ALS2: variants seen among roughly 807,000 people sequenced by gnomAD.
ALS2 encodes alsin Rho guanine nucleotide exchange factor ALS2.
ALS2 carries 117 observed loss-of-function variants against 203.4 expected under a neutral mutation model. The ratio of observed to expected loss-of-function variants is 0.58; its 90% confidence interval spans 0.50 to 0.67. The LOEUF (loss-of-function observed/expected upper bound fraction) is 0.67, where lower values mean the gene tolerates loss of function less well. Ranked by LOEUF, ALS2 falls within the 30% of genes least tolerant of loss-of-function variation. The probability of loss-of-function intolerance (pLI) is 0.00; values close to 1 mark genes in which losing one functional copy is unlikely to be tolerated. For missense variants in ALS2, 1,715 were observed against 1,989.4 expected (o/e 0.86, Z 2.62); for synonymous variants, 718 against 725.9 (o/e 0.99, Z 0.17).
chr2:201,731,839 G>A (rs1691576262), intron 13 of ALS2, among the ~76,000 whole-genome samples: 1 of 152,162 alleles, frequency 6.6e-6, no homozygotes, highest in African/African-American at 2.4e-5. Flanking sequence ...TAATCCTTCA[G>A]AGATGGATAG....
chr2:201,705,962 A>AT (rs1553500646), intron 29 of ALS2, among the ~76,000 whole-genome samples: 2 of 151,376 alleles, frequency 1.3e-5, no homozygotes, highest in Non-Finnish European at 2.9e-5. Context: ...AAAAAAAAAA[A>AT]TTGAGGCTTA....
At chr2:201,762,977 A>G (rs1693845921) in intron 3 of ALS2, 2 of 160,780 alleles carry the variant, frequency 1.2e-5, no homozygotes, top group South Asian at 3.3e-4. Flanking sequence ...CTGCCCATCA[A>G]GGAGTCTGAG....
At chr2:201,726,999 G>T (rs1691216411) in intron 17 of ALS2, 133 bp from the exon 18 acceptor site, 1 of 905,814 alleles carries the variant, frequency 1.1e-6, no homozygotes, top group Non-Finnish European at 1.7e-6. Context: ...GAGTAATATT[G>T]ACTGGCTCTT....
rs1007787642 is a variant in ALS2 at position 201,734,774 on chromosome 2, C to T, written c.2418-1336G>A. ...TCATGTCCTTACCTATAATCTTCCC[C>T]GAAAGAGGCCAAGCTACACTCCTAA... On this transcript the variant is annotated intron_variant, in intron 12 of 33. Transcript: ENST00000264276. Among the ~76,000 whole-genome samples, 27 of 152,238 alleles carry T rather than the reference C, an allele frequency of 1.8e-4. 1 individual carries two copies. Among genetic ancestry groups the T allele is most frequent in the Admixed American group, 1.2e-3 (18 of 15,292 alleles).
intron 12 of ALS2, among the ~76,000 whole-genome samples, chr2:201,738,117 C>T (rs996446319): frequency 1.3e-5 from 2 of 152,000 alleles, no homozygotes; most frequent in African/African-American, 4.8e-5. Context: ...CTGGGTAACA[C>T]AGTGAGACCC....
At chr2:201,735,500 A>C (rs1316711927) in intron 12 of ALS2, among the ~76,000 whole-genome samples, 1 of 152,270 alleles carries the variant, frequency 6.6e-6, no homozygotes, top group Non-Finnish European at 1.5e-5. Flanking sequence ...TCCAAGATCC[A>C]CTAACAGCCA....
chr2:201,724,233 TTAAA>T, intron 21 of ALS2, 58 bp downstream of exon 21: 1 of 1,534,490 alleles, frequency 6.5e-7, no homozygotes, highest in Non-Finnish European at 9.0e-7. Context: ...AAACTGCTTG[TTAAA>T]TAATGATGGT....
chr2:201,751,014 G>A (rs568278341), intron 7 of ALS2, among the ~76,000 whole-genome samples: 14 of 151,938 alleles, frequency 9.2e-5, no homozygotes, highest in South Asian at 6.2e-4. Flanking sequence ...CATCACGCCC[G>A]GCTAACTTCT....
At chr2:201,770,773 G>A (rs1574805304) in intron 1 of ALS2, among the ~76,000 whole-genome samples, 1 of 152,104 alleles carries the variant, frequency 6.6e-6, no homozygotes. Context: ...ATGGAAGAAG[G>A]CAGCCATGAG....
At position 201,746,587 on chromosome 2, in the gene ALS2, T is replaced by G; in HGVS notation, c.1977A>C (p.Pro659=). 6.2e-7 allele frequency: 1 copy of G among 1,614,220 alleles called. No individual in the cohort carries two copies. Among genetic ancestry groups the G allele is most frequent in the Non-Finnish European group, 8.5e-7 (1 of 1,180,030 alleles). Residue 659 remains proline, a synonymous_variant, in exon 9 of 34, where the codon CCA becomes CCC. Transcript: ENST00000264276. ...LPENHSGSKT[P]VLLSCSKLGY... ...TCACCTTACTACAGGAGAGAAGTAC[T>G]GGAGTCTTAGAACCACTGTGATTCT...
At chr2:201,720,714 A>AACACAC (rs146362505) in intron 23 of ALS2, among the ~76,000 whole-genome samples, 3 of 148,978 alleles carry the variant, frequency 2.0e-5, no homozygotes, top group Non-Finnish European at 4.5e-5. Context: ...ACACTATCTC[A>AACACAC]ACACACACAC....
At chr2:201,702,244 T>C (rs963205297) in intron 33 of ALS2, among the ~76,000 whole-genome samples, 1 of 151,870 alleles carries the variant, frequency 6.6e-6, no homozygotes, top group East Asian at 1.9e-4. Context: ...CTAATTAGAA[T>C]CACCTAGTAT....
intron 4 of ALS2, chr2:201,759,333 C>T (rs1693614876): frequency 1.1e-6 from 1 of 890,776 alleles, no homozygotes; most frequent in Admixed American, 6.2e-5. Flanking sequence ...GAGAGAGTCT[C>T]AGTTATATCT....
intron 11 of ALS2, 139 bp downstream of exon 11, chr2:201,741,535 C>T (rs933204443): frequency 3.5e-5 from 32 of 924,670 alleles, no homozygotes; most frequent in South Asian, 2.3e-4. Flanking sequence ...CTATAGTTGG[C>T]TTAAGATTAA....
intron 7 of ALS2, among the ~76,000 whole-genome samples, chr2:201,750,178 AAAAAG>A (rs1254388678): frequency 2.6e-5 from 4 of 151,444 alleles, no homozygotes; most frequent in Non-Finnish European, 4.4e-5. Flanking sequence ...CAAAAAAAAA[AAAAAG>A]AAAAGAAAAG....
chr2:201,743,921 C>T (rs1186979733), intron 10 of ALS2, among the ~76,000 whole-genome samples: 3 of 152,046 alleles, frequency 2.0e-5, no homozygotes, highest in Admixed American at 1.3e-4. Context: ...CTCTTAGGAC[C>T]AGCAGGGGGA....
At chr2:201,761,845 A>AAAAAGAG in intron 3 of ALS2, 27 bp from the exon 4 acceptor site, 1 of 1,610,082 alleles carries the variant, frequency 6.2e-7, no homozygotes, top group African/African-American at 1.3e-5. Flanking sequence ...AGAAAAAAGA[A>AAAAAGAG]AAAAAAAAGG....
At chr2:201,706,517 G>A (rs1023550274) in intron 29 of ALS2, among the ~76,000 whole-genome samples, 5 of 137,328 alleles carry the variant, frequency 3.6e-5, no homozygotes, top group Non-Finnish European at 7.7e-5. Context: ...TAAAATACCA[G>A]GCAAAATAGC....
chr2:201,724,909 C>A (rs181080171), intron 20 of ALS2, among the ~76,000 whole-genome samples: 2 of 151,892 alleles, frequency 1.3e-5, no homozygotes, highest in African/African-American at 2.4e-5. Context: ...GTCAGGAGAT[C>A]GAGACCATCC....
Sources: gnomAD v4.1 joint callset for allele counts (sites outside exome capture counted in the v4.1 genomes callset) on GRCh38, gnomAD v4.1.1 for gene constraint, MANE v1.5 for transcripts, NCBI Gene and HGNC (gene_info 2026-07-23, HGNC 2026-07-21) for gene names.